FGF13: variants seen among roughly 807,000 people sequenced by gnomAD.
FGF13 encodes fibroblast growth factor 13, also known as fibroblast growth factor homologous factor 2.
Under a neutral mutation model 19.5 loss-of-function variants are expected in FGF13, and 2 were observed. That is an observed-to-expected ratio of 0.10 (90% confidence interval 0.04 to 0.32). The LOEUF (loss-of-function observed/expected upper bound fraction) is 0.32. Among genes scored for constraint, FGF13 ranks in the 10% least tolerant of loss-of-function variants. The probability of loss-of-function intolerance (pLI) is 1.00; values close to 1 mark genes in which losing one functional copy is unlikely to be tolerated. For missense variants in FGF13, 113 were observed against 192.7 expected, an observed-to-expected ratio of 0.59 and a Z score of 2.45; for synonymous variants, 72 against 76.9, an observed-to-expected ratio of 0.94 and a Z score of 0.33.
At chrX:139,203,846 G>C (rs1476361424), upstream of FGF13, among the ~76,000 whole-genome samples, 1 of 111,796 alleles carries the variant, frequency 8.9e-6, no homozygotes, top group African/African-American at 3.3e-5. Flanking sequence ...GGCACTCGAG[G>C]GTCGACAATT....
chrX:138,819,227 T>C (rs1429965867), intron 3 of FGF13, among the ~76,000 whole-genome samples: 2 of 111,089 alleles, frequency 1.8e-5, no homozygotes, highest in Non-Finnish European at 3.8e-5. Context: ...AAATTAAAAA[T>C]ATTAATACCT....
At chrX:138,940,991 G>C (rs147815111) in intron 1 of FGF13, among the ~76,000 whole-genome samples, 2 of 111,256 alleles carry the variant, frequency 1.8e-5, no homozygotes, top group African/African-American at 3.3e-5. Context: ...ATGCAGAGAA[G>C]GCCTTCAATA....
intron 3 of FGF13, among the ~76,000 whole-genome samples, chrX:138,682,742 C>G (rs962485389): frequency 1.8e-5 from 2 of 111,654 alleles, no homozygotes; most frequent in Non-Finnish European, 3.8e-5. Flanking sequence ...TTTACCCCCC[C>G]GAAAGTACCT....
At chrX:138,698,941 T>C (rs1292590814) in intron 3 of FGF13, among the ~76,000 whole-genome samples, 1 of 111,752 alleles carries the variant, frequency 8.9e-6, no homozygotes, top group Non-Finnish European at 1.9e-5. Context: ...CCAATAAAAC[T>C]TTATTTTCAT....
chrX:138,704,462 G>C (rs150225070), intron 2 of FGF13, among the ~76,000 whole-genome samples: 5 of 112,770 alleles, frequency 4.4e-5, no homozygotes, highest in African/African-American at 1.6e-4. Context: ...TGTTTTGTAA[G>C]TTTATTGAGG....
At chrX:138,684,422 A>C (rs1002563725) in intron 3 of FGF13, among the ~76,000 whole-genome samples, 3 of 111,014 alleles carry the variant, frequency 2.7e-5, no homozygotes, top group Non-Finnish European at 5.7e-5. Flanking sequence ...GAGAAAAATC[A>C]CTCATTTTTT....
chrX:138,702,195 A>T (rs5931481), intron 3 of FGF13, among the ~76,000 whole-genome samples: 37,277 of 104,889 alleles, frequency 0.36, 5,714 homozygotes, highest in African/African-American at 0.44. Flanking sequence ...ATAAATAAAT[A>T]AATTAATTAA....
At chrX:138,767,736 C>T (rs1383310093) in intron 3 of FGF13, among the ~76,000 whole-genome samples, 2 of 112,223 alleles carry the variant, frequency 1.8e-5, no homozygotes, top group Admixed American at 9.5e-5. Context: ...CATGGCTTTT[C>T]ATCCTGGCCA....
chrX:139,020,805 A>AC (rs2092174855), intron 1 of FGF13, among the ~76,000 whole-genome samples: 1 of 111,600 alleles, frequency 9.0e-6, no homozygotes, highest in South Asian at 3.7e-4. Context: ...CCCAAGGTTC[A>AC]CTGTAATTCT....
upstream of FGF13, among the ~76,000 whole-genome samples, chrX:138,715,281 T>C (rs891643958): frequency 8.0e-5 from 9 of 112,342 alleles, no homozygotes; most frequent in Non-Finnish European, 1.5e-4. Flanking sequence ...ACTAATTGGC[T>C]GTGTGACCTT....
At chrX:138,693,839 A>G (rs1015499338) in intron 3 of FGF13, among the ~76,000 whole-genome samples, 6 of 111,487 alleles carry the variant, frequency 5.4e-5, no homozygotes, top group Admixed American at 1.9e-4. Context: ...TTTATTTTAG[A>G]TCAATTTCCT....
intron 1 of FGF13, among the ~76,000 whole-genome samples, chrX:139,165,394 C>T (rs985352700): frequency 1.8e-5 from 2 of 111,791 alleles, no homozygotes; most frequent in African/African-American, 6.5e-5. Flanking sequence ...CTGCAGCCTG[C>T]CACATAAAAA....
rs185081012 is a variant in FGF13 at position 138,682,453 on chromosome X, T to G, written c.402+20531A>C. The stretch of plus-strand genomic sequence containing the variant: ...CTTTCCTCTGTTAATATCAGAGGGG[T>G]GTGTGTGTGTGTGTGCGTGCGTGTG... On this transcript the variant is annotated intron_variant, in intron 3 of 4. Transcript: ENST00000315930. 5.3e-3 allele frequency among the ~76,000 whole-genome samples: 584 copies of G among 110,605 alleles called. 7 individuals carry two copies. The highest frequency in any genetic ancestry group is 0.017 in the South Asian group (46 of 2,666).
chrX:138,760,940 G>A (rs892593411), intron 3 of FGF13, among the ~76,000 whole-genome samples: 2 of 111,875 alleles, frequency 1.8e-5, no homozygotes, highest in African/African-American at 6.5e-5. Flanking sequence ...ATCAAGTAAG[G>A]ACAGGTCAAA....
At chrX:138,735,917 T>G in intron 1 of FGF13, among the ~76,000 whole-genome samples, 2 of 112,472 alleles carry the variant, frequency 1.8e-5, no homozygotes, top group Middle Eastern at 4.6e-3. Flanking sequence ...GGCTCCTTTC[T>G]TTACTGCATA....
chrX:138,676,070 T>A (rs149923814), intron 3 of FGF13, among the ~76,000 whole-genome samples: 1 of 112,198 alleles, frequency 8.9e-6, no homozygotes, highest in East Asian at 2.8e-4. Context: ...AGCATCATTA[T>A]TATTAACTAA....
chrX:138,893,279 T>A (rs1312797594), intron 1 of FGF13, among the ~76,000 whole-genome samples: 2 of 111,516 alleles, frequency 1.8e-5, no homozygotes, highest in Non-Finnish European at 3.8e-5. Context: ...CTCACTCCAT[T>A]TTGGCCATTT....
At chrX:138,752,256 G>A (rs1196475389) in intron 3 of FGF13, among the ~76,000 whole-genome samples, 8 of 110,635 alleles carry the variant, frequency 7.2e-5, no homozygotes, top group African/African-American at 2.6e-4. Context: ...GGGAAATCTC[G>A]TCTCTACTAA....
chrX:138,930,274 T>C (rs2091695522), intron 1 of FGF13, among the ~76,000 whole-genome samples: 1 of 112,567 alleles, frequency 8.9e-6, no homozygotes, highest in African/African-American at 3.2e-5. Flanking sequence ...ACTGTGTTTA[T>C]ACTGTAATAA....
Sources: gnomAD v4.1 joint callset for allele counts (sites outside exome capture counted in the v4.1 genomes callset) on GRCh38, gnomAD v4.1.1 for gene constraint, MANE v1.5 for transcripts, NCBI Gene and HGNC (gene_info 2026-07-23, HGNC 2026-07-21) for gene names.